Variants in GPR39 observed in about 807,000 individuals in gnomAD.
The protein encoded by GPR39 is G protein-coupled receptor 39, also known as zinc sensing receptor.
GPR39 carries 23 observed loss-of-function variants against 18.4 expected under a neutral mutation model. The ratio of observed to expected loss-of-function variants is 1.25; its 90% CI spans 0.90 to 1.77. GPR39 has a LOEUF of 1.77. Ranked by LOEUF, GPR39 falls within the 40% of genes most tolerant of loss-of-function variation. The pLI is 0.00. For missense variants in GPR39, 647 were observed against 602.4 expected (o/e 1.07, Z -0.78); for synonymous variants, 280 against 257.9 (o/e 1.09, Z -0.82).
chr2:132,427,160 A>G (rs1484273772), intron 1 of GPR39, among the ~76,000 whole-genome samples: 1 of 77,020 alleles, frequency 1.3e-5, no homozygotes, highest in Non-Finnish European at 2.5e-5. Flanking sequence ...ATATATATAT[A>G]TATATGAAAT....
chr2:132,462,131 A>G (rs1680843429), intron 1 of GPR39, among the ~76,000 whole-genome samples: 1 of 152,198 alleles, frequency 6.6e-6, no homozygotes, highest in Non-Finnish European at 1.5e-5. Context: ...CAAATATATA[A>G]TACCCAACAC....
intron 1 of GPR39, among the ~76,000 whole-genome samples, chr2:132,427,695 A>G (rs941829351): frequency 5.3e-5 from 8 of 150,308 alleles, no homozygotes; most frequent in Non-Finnish European, 1.2e-4. Context: ...TACATTTGGA[A>G]GAGAAGGATG....
At chr2:132,496,548 G>A (rs1483758765) in intron 1 of GPR39, among the ~76,000 whole-genome samples, 1 of 152,222 alleles carries the variant, frequency 6.6e-6, no homozygotes, top group African/African-American at 2.4e-5. Context: ...CAGAAGTGTA[G>A]ATGTCATCTG....
At chr2:132,594,176 C>T (rs1680896419) in intron 1 of GPR39, among the ~76,000 whole-genome samples, 1 of 152,112 alleles carries the variant, frequency 6.6e-6, no homozygotes, top group Admixed American at 6.5e-5. Context: ...CCCATTCTGC[C>T]TTCAAACTCC....
chr2:132,422,014 G>A (rs1315348360), intron 1 of GPR39, among the ~76,000 whole-genome samples: 1 of 152,106 alleles, frequency 6.6e-6, no homozygotes, highest in South Asian at 2.1e-4. Context: ...TTATTTGTAT[G>A]TTACAAATAT....
At chr2:132,603,696 G>A (rs545753344) in intron 1 of GPR39, among the ~76,000 whole-genome samples, 1 of 152,286 alleles carries the variant, frequency 6.6e-6, no homozygotes, top group African/African-American at 2.4e-5. Flanking sequence ...CACAAAGGGT[G>A]TACATTTGTG....
chr2:132,477,961 C>A (rs1681159364), intron 1 of GPR39, among the ~76,000 whole-genome samples: 1 of 152,180 alleles, frequency 6.6e-6, no homozygotes, highest in South Asian at 2.1e-4. Flanking sequence ...TAGAAATTTA[C>A]TAATTTAAAA....
At chr2:132,458,025 A>G (rs904713020) in intron 1 of GPR39, among the ~76,000 whole-genome samples, 6 of 152,198 alleles carry the variant, frequency 3.9e-5, no homozygotes, top group African/African-American at 1.4e-4. Context: ...CTGTTTTTCC[A>G]GGTAGTCTGT....
At chr2:132,552,464 A>T (rs1680061146) in intron 1 of GPR39, among the ~76,000 whole-genome samples, 1 of 152,124 alleles carries the variant, frequency 6.6e-6, no homozygotes, top group Non-Finnish European at 1.5e-5. Flanking sequence ...CCTAGAAGCC[A>T]AGCAGATGCC....
chr2:132,547,468 A>C (rs1380388770), intron 1 of GPR39, among the ~76,000 whole-genome samples: 1 of 152,182 alleles, frequency 6.6e-6, no homozygotes, highest in Non-Finnish European at 1.5e-5. Flanking sequence ...ATTTTTCTCA[A>C]TATACTGAGA....
intron 1 of GPR39, among the ~76,000 whole-genome samples, chr2:132,632,051 C>T (rs796684536): frequency 9.9e-5 from 15 of 152,184 alleles, no homozygotes; most frequent in African/African-American, 3.6e-4. Flanking sequence ...GACCTCCTAA[C>T]CTCAAGCGAT....
At chr2:132,638,916 C>T (rs7579800) in intron 1 of GPR39, among the ~76,000 whole-genome samples, 27,338 of 152,052 alleles carry the variant, frequency 0.18, 7,999 homozygotes, top group African/African-American at 0.62. Flanking sequence ...GTTGCAACCA[C>T]GCTGAGCCTT....
intron 1 of GPR39, among the ~76,000 whole-genome samples, chr2:132,559,706 T>G (rs920037288): frequency 3.9e-5 from 6 of 152,036 alleles, no homozygotes; most frequent in African/African-American, 1.2e-4. Context: ...GAACAGCATT[T>G]CGCAGCGTAG....
At chr2:132,476,047 T>C (rs1294751790) in intron 1 of GPR39, among the ~76,000 whole-genome samples, 2 of 152,056 alleles carry the variant, frequency 1.3e-5, no homozygotes, top group African/African-American at 4.8e-5. Flanking sequence ...TTTTTTTTTT[T>C]CTCTTTTTAG....
intron 1 of GPR39, among the ~76,000 whole-genome samples, chr2:132,607,085 A>G (rs2104846507): frequency 6.6e-6 from 1 of 152,372 alleles, no homozygotes; most frequent in South Asian, 2.1e-4. Context: ...AATATGGATC[A>G]GAAAGCTTCC....
chr2:132,620,650 C>A (rs1327672619), intron 1 of GPR39, among the ~76,000 whole-genome samples: 1 of 152,174 alleles, frequency 6.6e-6, no homozygotes, highest in African/African-American at 2.4e-5. Flanking sequence ...TCTCTTGGGG[C>A]TAGGTTTGCC....
At chr2:132,524,256 A>G (rs1329500842) in intron 1 of GPR39, among the ~76,000 whole-genome samples, 1 of 152,224 alleles carries the variant, frequency 6.6e-6, no homozygotes, top group Non-Finnish European at 1.5e-5. Flanking sequence ...ATTCAGTTCA[A>G]TCTGCACTTT....
chr2:132,579,070 T>C (rs2104821289), intron 1 of GPR39, among the ~76,000 whole-genome samples: 1 of 152,040 alleles, frequency 6.6e-6, no homozygotes. Flanking sequence ...GATTTGAGAC[T>C]CTTCCTCTTT....
intron 1 of GPR39, among the ~76,000 whole-genome samples, chr2:132,481,942 T>C (rs1000255613): frequency 2.6e-5 from 4 of 152,164 alleles, no homozygotes; most frequent in African/African-American, 9.7e-5. Flanking sequence ...AAGAGTACCT[T>C]ATTTAAACCC....
Sources: allele counts gnomAD v4.1 joint callset (sites outside exome capture counted in the v4.1 genomes callset), GRCh38; gene constraint gnomAD v4.1.1; transcripts MANE v1.5; gene names NCBI Gene and HGNC (gene_info 2026-07-23, HGNC 2026-07-21).